The following SMAD2 variants were observed in gnomAD, a reference collection of about 807,000 sequenced individuals.
The protein encoded by SMAD2 is MAD homolog 2.
A neutral mutation model predicts 64.4 loss-of-function variants in SMAD2; 8 were observed. That is an observed-to-expected ratio of 0.12 (90% CI 0.07 to 0.22). The LOEUF (loss-of-function observed/expected upper bound fraction) is 0.22. SMAD2 is among the 10% of genes least tolerant of loss of function. SMAD2 has a pLI of 1.00. For synonymous variants in SMAD2, 203 were observed against 195.8 expected (o/e 1.04, Z -0.31); for missense variants, 289 against 561.2 (o/e 0.51, Z 4.90).
chr18:47,918,705 C>T (rs1470347261), intron 1 of SMAD2, among the ~76,000 whole-genome samples: 1 of 150,854 alleles, frequency 6.6e-6, no homozygotes, highest in Admixed American at 6.6e-5. Flanking sequence ...CTCTCAAAGG[C>T]AGCATTCAGA....
chr18:47,861,519 C>T (rs77706503), intron 6 of SMAD2, among the ~76,000 whole-genome samples: 5,181 of 152,108 alleles, frequency 0.034, 310 homozygotes, highest in African/African-American at 0.12. Flanking sequence ...AAAACAAAAA[C>T]GTATAACAGC....
At chr18:47,910,500 G>C (rs1326430768) in intron 1 of SMAD2, among the ~76,000 whole-genome samples, 4 of 152,160 alleles carry the variant, frequency 2.6e-5, no homozygotes. Context: ...GTACCACACA[G>C]AAACATTTTT....
At chr18:47,896,440 T>G in intron 2 of SMAD2, 81 bp downstream of exon 2, 1 of 1,462,342 alleles carries the variant, frequency 6.8e-7, no homozygotes, top group Non-Finnish European at 9.6e-7. Context: ...TACAGGCAAC[T>G]TGAAAGGAAC....
At chr18:47,851,176 T>C (rs1162557820) in intron 7 of SMAD2, 98 bp downstream of exon 7, 2 of 881,602 alleles carry the variant, frequency 2.3e-6, no homozygotes, top group East Asian at 2.5e-5. Flanking sequence ...TTAGGATCCC[T>C]TTCTCGGATA....
chr18:47,905,458 CAA>C (rs912023478), intron 1 of SMAD2, among the ~76,000 whole-genome samples: 1 of 138,080 alleles, frequency 7.2e-6, no homozygotes, highest in Admixed American at 7.2e-5. Context: ...CATATGGAAA[CAA>C]AAAAAAAAAC....
intron 1 of SMAD2, among the ~76,000 whole-genome samples, chr18:47,908,045 A>C (rs1381941478): frequency 6.6e-6 from 1 of 152,254 alleles, no homozygotes; most frequent in Non-Finnish European, 1.5e-5. Context: ...AGAAGTTCCT[A>C]AATTAAGTTA....
chr18:47,891,079 C>T (rs1392833663), intron 2 of SMAD2, among the ~76,000 whole-genome samples: 3 of 151,910 alleles, frequency 2.0e-5, no homozygotes, highest in South Asian at 2.1e-4. Flanking sequence ...CCGAGGCGGG[C>T]GGGTCACCTG....
rs557899993 is a variant in SMAD2 at position 47,814,696 on chromosome 18, G to A, written c.*27131C>T. 8 of 152,330 alleles carry A rather than the reference G, an allele frequency of 5.3e-5. No homozygotes were observed. In the South Asian group the frequency reaches 1.0e-3, roughly 20 times the overall value. The allele number at this position is 152,330 out of a possible 1,614,324, so 9.4% of individuals were successfully genotyped here. ...AAAAAAGTCCTACTCATGACTTAGAGGCTTACCCAGTATGGCACAGGAGCA... is the reference window on the plus strand; with the variant it reads ...AAAAAAGTCCTACTCATGACTTAGAAGCTTACCCAGTATGGCACAGGAGCA... On this transcript the variant is annotated 3_prime_UTR_variant, in exon 11 of 11. Coordinates refer to ENST00000262160, the MANE Select transcript of SMAD2 (RefSeq NM_005901.6).
chr18:47,928,042 C>A (rs919972384), intron 1 of SMAD2, among the ~76,000 whole-genome samples: 1 of 152,136 alleles, frequency 6.6e-6, no homozygotes, highest in Admixed American at 6.5e-5. Flanking sequence ...AAACTAAGGG[C>A]CTAAAAATGG....
chr18:47,924,465 T>C (rs1298204458), intron 1 of SMAD2, among the ~76,000 whole-genome samples: 1 of 149,756 alleles, frequency 6.7e-6, no homozygotes, highest in Non-Finnish European at 1.5e-5. Flanking sequence ...TTTCTTTTTT[T>C]TCTTTTTTTT....
At chr18:47,857,099 C>T (rs564283325) in intron 6 of SMAD2, among the ~76,000 whole-genome samples, 9 of 152,094 alleles carry the variant, frequency 5.9e-5, no homozygotes, top group Admixed American at 3.3e-4. Context: ...CCTCGTGATC[C>T]GCCCGCCTCG....
At chr18:47,853,676 A>C (rs952852881) in intron 6 of SMAD2, among the ~76,000 whole-genome samples, 4 of 152,180 alleles carry the variant, frequency 2.6e-5, no homozygotes, top group Admixed American at 6.5e-5. Context: ...AGGGATGCTT[A>C]GTTTTTAGAA....
Position 47,872,173 on chromosome 18 carries a change from A to T in SMAD2, c.237-1609T>A, listed in dbSNP as rs142109527. ...TCGGCCACTTTCCAACTGCTGCCAT[A>T]GGGTATATTTAAGCCTCAGTTCCAT... On this transcript the variant is annotated intron_variant, in intron 2 of 10. Coordinates refer to ENST00000262160, the MANE Select transcript of SMAD2 (RefSeq NM_005901.6). Among the ~76,000 whole-genome samples, 598 of 152,336 alleles carry T rather than the reference A, an allele frequency of 3.9e-3. 7 individuals are homozygous for T. Among genetic ancestry groups the T allele is most frequent in the Non-Finnish European group, 5.6e-3 (378 of 68,026 alleles).
Position 47,841,588 on chromosome 18 carries a change from T to A in SMAD2, c.*239A>T, listed in dbSNP as rs772361016. On this transcript the variant is annotated 3_prime_UTR_variant, in exon 11 of 11. Coordinates refer to ENST00000262160, the MANE Select transcript of SMAD2 (RefSeq NM_005901.6). ...CAGTTTTATGCCCAATAAGACATCATTAAGTCTTTAAAATCTTCTCTTCCT... is the reference window on the plus strand; with the variant it reads ...CAGTTTTATGCCCAATAAGACATCAATAAGTCTTTAAAATCTTCTCTTCCT... The A allele has an allele frequency of 1.8e-6, 1 of 546,904 alleles. No homozygotes were observed. Among genetic ancestry groups the A allele is most frequent in the Non-Finnish European group, 3.3e-6 (1 of 303,814 alleles). 33.9% of individuals were successfully genotyped at this position (546,904 alleles called of 1,614,324 possible).
intron 1 of SMAD2, among the ~76,000 whole-genome samples, chr18:47,908,809 A>C (rs1405980336): frequency 3.9e-5 from 6 of 152,216 alleles, no homozygotes; most frequent in African/African-American, 1.2e-4. Context: ...CTCTCCAGTA[A>C]ATTATCACAG....
rs537438509 is a variant in SMAD2, at chr18:47,814,201, A to G, written c.*27626T>C. 1 of 152,292 alleles carries G rather than the reference A, an allele frequency of 6.6e-6. No individual in the cohort carries two copies. Among genetic ancestry groups the G allele is most frequent in the Non-Finnish European group, 1.5e-5 (1 of 68,042 alleles). 9.4% of individuals were successfully genotyped at this position (152,292 alleles called of 1,614,324 possible). A position where few individuals can be genotyped will look rare whatever the true frequency, so the allele number is the denominator to read the frequency against. On this transcript the variant is annotated 3_prime_UTR_variant, in exon 11 of 11. Transcript: ENST00000262160. Reference sequence around the variant, plus strand: ...TATATGCCCCCCTGCTGTCTTTCCAATAAAGGTAAGCCCTGAAGCCTGACA... The same window carrying G: ...TATATGCCCCCCTGCTGTCTTTCCAGTAAAGGTAAGCCCTGAAGCCTGACA...
At chr18:47,843,170 A>C (rs1205468272) in intron 10 of SMAD2, among the ~76,000 whole-genome samples, 2 of 152,210 alleles carry the variant, frequency 1.3e-5, no homozygotes, top group African/African-American at 2.4e-5. Flanking sequence ...TGATATACCC[A>C]AAAAGGCTAG....
intron 1 of SMAD2, chr18:47,920,248 T>C (rs1415052783): frequency 1.3e-5 from 2 of 152,218 alleles, no homozygotes; most frequent in Non-Finnish European, 2.9e-5. Context: ...TCTACCCTCC[T>C]GACCTCAATA....
rs1046062633 is a variant in SMAD2, at chr18:47,819,949, T to C, written c.*21878A>G. On this transcript the variant is annotated 3_prime_UTR_variant, in exon 11 of 11. Transcript: ENST00000262160. ...GTTGGAGTTTGAGGCTGCAGTGTGCTACAATTGTGCCTGTGAACAGCCACT... is the reference window on the plus strand; with the variant it reads ...GTTGGAGTTTGAGGCTGCAGTGTGCCACAATTGTGCCTGTGAACAGCCACT... The C allele has an allele frequency of 1.3e-5, 2 of 152,360 alleles. No homozygotes were observed. The highest frequency in any genetic ancestry group is 4.8e-5 in the African/African-American group (2 of 41,446). 9.4% of individuals were successfully genotyped at this position (152,360 alleles called of 1,614,324 possible).
Sources: allele counts gnomAD v4.1 joint callset (sites outside exome capture counted in the v4.1 genomes callset), GRCh38; gene constraint gnomAD v4.1.1; transcripts MANE v1.5; gene names NCBI Gene and HGNC (gene_info 2026-07-23, HGNC 2026-07-21).